Variants in CDCA7L observed in about 807,000 individuals in gnomAD.
CDCA7L encodes cell division cycle-associated 7-like protein.
Under a neutral mutation model 57.4 loss-of-function variants are expected in CDCA7L, and 44 were observed. The ratio of observed to expected loss-of-function variants is 0.77; its 90% CI spans 0.60 to 0.98. The LOEUF (loss-of-function observed/expected upper bound fraction) is 0.98, where lower values mean the gene tolerates loss of function less well. Ranked by LOEUF, CDCA7L falls within the 50% of genes least tolerant of loss-of-function variation. The pLI, the probability that CDCA7L is intolerant of heterozygous loss-of-function variation, is 0.00. For missense variants in CDCA7L, 644 were observed against 580.6 expected (o/e 1.11, Z -1.12); for synonymous variants, 236 against 202.8 (o/e 1.16, Z -1.39).
At chr7:21,923,015 G>A (rs1785706466) in intron 1 of CDCA7L, among the ~76,000 whole-genome samples, 1 of 152,112 alleles carries the variant, frequency 6.6e-6, no homozygotes, top group Non-Finnish European at 1.5e-5. Flanking sequence ...CTGAGGGGAG[G>A]GAGAAACGTG....
chr7:21,938,408 G>A (rs935564989), intron 1 of CDCA7L, among the ~76,000 whole-genome samples: 1 of 152,042 alleles, frequency 6.6e-6, no homozygotes, highest in Non-Finnish European at 1.5e-5. Flanking sequence ...ACTAGGGCTG[G>A]CAAAGACGTG....
chr7:21,906,058 T>C (rs1025994095), intron 6 of CDCA7L, among the ~76,000 whole-genome samples: 3 of 151,974 alleles, frequency 2.0e-5, no homozygotes, highest in Non-Finnish European at 1.5e-5. Context: ...GCTTCTCAGC[T>C]CGGCTTGGAT....
chr7:21,913,934 C>G (rs1289472810), intron 2 of CDCA7L, among the ~76,000 whole-genome samples: 1 of 152,170 alleles, frequency 6.6e-6, no homozygotes, highest in Non-Finnish European at 1.5e-5. Context: ...AATCTCCACT[C>G]CACACTGCTC....
At chr7:21,906,813 C>A (rs1373950952) in intron 4 of CDCA7L, among the ~76,000 whole-genome samples, 174 bp from the exon 5 acceptor site, 1 of 152,148 alleles carries the variant, frequency 6.6e-6, no homozygotes, top group Non-Finnish European at 1.5e-5. Flanking sequence ...TACCTCCAGA[C>A]CTGAGATGCT....
intron 2 of CDCA7L, 77 bp from the exon 3 acceptor site, chr7:21,911,831 C>T: frequency 7.2e-7 from 1 of 1,393,002 alleles, no homozygotes; most frequent in South Asian, 1.3e-5. Context: ...TGAGGAGCTA[C>T]TGAACGGGTA....
At chr7:21,906,728 C>T (rs2128057914) in intron 4 of CDCA7L, 89 bp from the exon 5 acceptor site, 1 of 1,283,790 alleles carries the variant, frequency 7.8e-7, no homozygotes, top group Non-Finnish European at 1.1e-6. Context: ...TCCATTTTGC[C>T]ACCATAAGAA....
intron 1 of CDCA7L, among the ~76,000 whole-genome samples, chr7:21,940,913 T>C (rs143907317): frequency 0.012 from 1,783 of 152,350 alleles, 35 homozygotes; most frequent in African/African-American, 0.041. Context: ...TCCCCCCAAC[T>C]AGAACATTCT....
intron 9 of CDCA7L, 45 bp downstream of exon 9, chr7:21,902,933 C>CTCAAGATTTCAAGCTGTTTTG: frequency 6.3e-7 from 1 of 1,594,630 alleles, no homozygotes; most frequent in Non-Finnish European, 8.6e-7. Context: ...TGTGCTCAGC[C>CTCAAGATTTCAAGCTGTTTTG]TCAAGATTTC....
chr7:21,931,044 T>C (rs1414908170), intron 1 of CDCA7L, among the ~76,000 whole-genome samples: 1 of 152,126 alleles, frequency 6.6e-6, no homozygotes, highest in Non-Finnish European at 1.5e-5. Flanking sequence ...AATGGATAAA[T>C]TTCTGGACAC....
At chr7:21,905,151 A>G (rs147103789) in intron 7 of CDCA7L, among the ~76,000 whole-genome samples, 3 of 152,332 alleles carry the variant, frequency 2.0e-5, no homozygotes, top group African/African-American at 7.2e-5. Flanking sequence ...ATATTCTGCC[A>G]AACTTTAATT....
intron 8 of CDCA7L, 164 bp downstream of exon 8, chr7:21,903,946 G>A (rs780239903): frequency 3.1e-5 from 18 of 573,132 alleles, no homozygotes; most frequent in Non-Finnish European, 4.4e-5. Flanking sequence ...CCTTCCAGAA[G>A]GAATCCCTAT....
rs1785549781 is a variant in CDCA7L at position 21,918,300 on chromosome 7, G to A, written c.25-1406C>T. Among the ~76,000 whole-genome samples the A allele has an allele frequency of 2.6e-5, 4 of 152,324 alleles. No individual in the cohort carries two copies. In the South Asian group the frequency reaches 8.3e-4, roughly 32 times the overall value. ...CGTAATTATCTGCCCAAGGCTAACT[G>A]TGCTTCCCCTGGATCCCGACCCAAC... is the stretch of plus-strand genomic sequence containing the variant. On this transcript the variant is annotated intron_variant, in intron 1 of 9. Transcript: ENST00000406877.
At chr7:21,944,444 G>A (rs570678637) in intron 1 of CDCA7L, among the ~76,000 whole-genome samples, 432 of 14,014 alleles carry the variant, frequency 0.031, 2 homozygotes, top group Middle Eastern at 0.11. Context: ...GCGAAACTCC[G>A]TCTCCAAAAA....
intron 9 of CDCA7L, 99 bp downstream of exon 9, chr7:21,902,879 T>TC (rs1554295019): frequency 3.6e-6 from 4 of 1,108,200 alleles, no homozygotes; most frequent in Non-Finnish European, 5.3e-6. Flanking sequence ...TATAAGTAAG[T>TC]AAGTCACACG....
intron 1 of CDCA7L, among the ~76,000 whole-genome samples, chr7:21,926,276 A>C (rs1251327626): frequency 1.3e-5 from 2 of 152,234 alleles, no homozygotes; most frequent in Non-Finnish European, 1.5e-5. Flanking sequence ...CACAAGCAAC[A>C]ATTCGAGGAA....
At chr7:21,921,593 C>CTTT (rs201649581) in intron 1 of CDCA7L, among the ~76,000 whole-genome samples, 20 of 138,940 alleles carry the variant, frequency 1.4e-4, no homozygotes, top group South Asian at 2.3e-4. Context: ...AATGCAAGAC[C>CTTT]TTTTTTTTTT....
chr7:21,903,907 ATTC>A (rs1562619481), intron 8 of CDCA7L, 200 bp downstream of exon 8: 3 of 436,108 alleles, frequency 6.9e-6, no homozygotes, highest in Non-Finnish European at 1.2e-5. Context: ...AACAACATTA[ATTC>A]TTCTATTCAC....
intron 9 of CDCA7L, chr7:21,902,571 A>AGAGT (rs1425110543): frequency 1.7e-6 from 1 of 586,662 alleles, no homozygotes; most frequent in Admixed American, 3.0e-5. Context: ...ACCACGATTC[A>AGAGT]GAGTTTATTA....
chr7:21,928,689 G>A (rs1425898959), intron 1 of CDCA7L, among the ~76,000 whole-genome samples: 1 of 151,610 alleles, frequency 6.6e-6, no homozygotes, highest in African/African-American at 2.4e-5. Context: ...CGATCAAGCA[G>A]AAGAAAGGAT....
Sources: gnomAD v4.1 joint callset for allele counts (sites outside exome capture counted in the v4.1 genomes callset) on GRCh38, gnomAD v4.1.1 for gene constraint, MANE v1.5 for transcripts, NCBI Gene and HGNC (gene_info 2026-07-23, HGNC 2026-07-21) for gene names.